The following PKD1L3 variants were observed in gnomAD, a reference collection of about 807,000 sequenced individuals.
The protein encoded by PKD1L3 is polycystin 1 like 3, transient receptor potential channel interacting.
A neutral mutation model predicts 184.1 loss-of-function variants in PKD1L3; 239 were observed. That is an observed-to-expected ratio of 1.30 (90% CI 1.17 to 1.45). PKD1L3 has a LOEUF of 1.45. Among genes scored for constraint, PKD1L3 ranks in the 40% most tolerant of loss-of-function variants. PKD1L3 has a pLI of 0.00. For synonymous variants in PKD1L3, 996 were observed against 778.8 expected (o/e 1.28, Z -4.64); for missense variants, 2,660 against 2,067.2 (o/e 1.29, Z -5.56).
Position 71,951,694 on chromosome 16 carries a change from G to T in PKD1L3, c.3060C>A (p.Leu1020=), listed in dbSNP as rs761110017. 2.6e-6 allele frequency: 4 copies of T among 1,551,580 alleles called. No individual in the cohort carries two copies. The highest frequency in any genetic ancestry group is 3.5e-6 in the Non-Finnish European group (4 of 1,146,988). ...TCCATGGCGGCTGCTCACACTTGGAGAGTAGGTATGTATTTCTCCTGAGCA... is the reference window on the plus strand; with the variant it reads ...TCCATGGCGGCTGCTCACACTTGGATAGTAGGTATGTATTTCTCCTGAGCA... ...RFLLRRNTYL[L]SKCEQPPWSS... Residue 1020 remains leucine, a synonymous_variant, in exon 19 of 30, where the codon CTC becomes CTA. Coordinates refer to ENST00000620267, the MANE Select transcript of PKD1L3 (RefSeq NM_181536.2).
chr16:71,996,351 T>C (rs1355799577), intron 2 of PKD1L3, among the ~76,000 whole-genome samples: 1 of 135,818 alleles, frequency 7.4e-6, no homozygotes, highest in African/African-American at 2.7e-5. Flanking sequence ...AACCTCCGCC[T>C]CCCGGTTCAA....
rs2039968819 is a variant in PKD1L3, at chr16:71,977,357, T to C, written c.1638A>G (p.Ile546Met). 1 of 1,549,098 alleles carries C rather than the reference T, an allele frequency of 6.5e-7. No individual in the cohort carries two copies. The highest frequency in any genetic ancestry group is 8.7e-7 in the Non-Finnish European group (1 of 1,144,636). Residue 546 changes from isoleucine (I) to methionine (M), a missense_variant, in exon 11 of 30, where the codon ATA becomes ATG. Physicochemically the swap from Ile to Met is conservative, Grantham distance 10. Transcript: ENST00000620267. The stretch of plus-strand genomic sequence containing the variant: ...GGGGACTGTCAGGATCTATGCTCAC[T>C]ATCAAGGATTTCTCCAAGGAAGTGA... The part of the protein sequence containing the change: ...VNVTSLEKSL[I>M]VSIDPDSPLL...
chr16:71,944,258 TC>T, intron 22 of PKD1L3, 88 bp from the exon 23 acceptor site: 1 of 1,218,448 alleles, frequency 8.2e-7, no homozygotes, highest in South Asian at 1.4e-5. Flanking sequence ...TGTGAGCACC[TC>T]CTTTTAAATG....
intron 2 of PKD1L3, among the ~76,000 whole-genome samples, chr16:71,994,106 C>T (rs189604218): frequency 1.3e-5 from 2 of 152,280 alleles, no homozygotes; most frequent in Admixed American, 6.5e-5. Context: ...CTTGCATACA[C>T]GAGCAAGAGT....
intron 4 of PKD1L3, among the ~76,000 whole-genome samples, chr16:71,987,655 G>A (rs1017850117): frequency 6.6e-6 from 1 of 151,904 alleles, no homozygotes; most frequent in Admixed American, 6.6e-5. Flanking sequence ...GATTACAGGT[G>A]TGAGCCACTG....
rs1203867902 is a variant in PKD1L3, at chr16:71,998,374, G to T, written c.316C>A (p.Pro106Thr). 6.4e-7 allele frequency: 1 copy of T among 1,551,572 alleles called. No individual in the cohort carries two copies. Among genetic ancestry groups the T allele is most frequent in the South Asian group, 1.2e-5 (1 of 84,054 alleles). The change falls in exon 2 of 30, where the codon CCC becomes ACC. Residue 106 changes from proline (P) to threonine (T), a missense_variant. Pro to Thr is a conservative substitution (Grantham distance 38). Coordinates refer to ENST00000620267, the MANE Select transcript of PKD1L3 (RefSeq NM_181536.2). ...KYPADVAANG[P>T]PKPLSCTYLS... Reference sequence around the variant, plus strand: ...TAGGTGCAGCTGAGGGGCTTTGGGGGCCCGTTGGCTGCAACGTCTGCTGAG... The same window carrying T: ...TAGGTGCAGCTGAGGGGCTTTGGGGTCCCGTTGGCTGCAACGTCTGCTGAG...
intron 13 of PKD1L3, 71 bp from the exon 14 acceptor site, chr16:71,968,078 G>A (rs983974272): frequency 1.6e-6 from 2 of 1,247,674 alleles, no homozygotes; most frequent in Admixed American, 4.5e-5. Flanking sequence ...CTCCAGCTGA[G>A]GAGCAGGAGG....
intron 7 of PKD1L3, among the ~76,000 whole-genome samples, chr16:71,980,677 T>C (rs184795457): frequency 6.6e-6 from 1 of 152,182 alleles, no homozygotes; most frequent in Non-Finnish European, 1.5e-5. Flanking sequence ...CTACTAAAAG[T>C]ACCAAAAATT....
Position 71,993,299 on chromosome 16 carries a change from C to G in PKD1L3, c.452G>C (p.Arg151Thr), listed in dbSNP as rs1339316090. The change falls in exon 3 of 30, where the codon AGA becomes ACA. Residue 151 changes from arginine to threonine, a missense_variant. Transcript: ENST00000620267. ...GTACAAATGGGAATTATTTCCATTT[C>G]TTTCATAATGGGCATCTCCGTCCAA... is the stretch of plus-strand genomic sequence containing the variant. ...DFLDGDAHYE[R>T]NGNNSHLYQR... 6.5e-7 allele frequency: 1 copy of G among 1,548,956 alleles called. No homozygotes were observed. Among genetic ancestry groups the G allele is most frequent in the African/African-American group, 1.4e-5 (1 of 72,724 alleles).
intron 2 of PKD1L3, among the ~76,000 whole-genome samples, chr16:71,994,782 T>G (rs1485765548): frequency 1.3e-5 from 2 of 152,132 alleles, no homozygotes; most frequent in Non-Finnish European, 2.9e-5. Flanking sequence ...CTGTATCACC[T>G]GAGGTCAGGA....
intron 11 of PKD1L3, among the ~76,000 whole-genome samples, chr16:71,974,654 A>C (rs935550771): frequency 6.6e-6 from 1 of 152,172 alleles, no homozygotes; most frequent in Non-Finnish European, 1.5e-5. Flanking sequence ...ACTGCGCTCC[A>C]CCCTGGGCGA....
chr16:71,995,534 A>C (rs999634386), intron 2 of PKD1L3, among the ~76,000 whole-genome samples: 2 of 152,132 alleles, frequency 1.3e-5, no homozygotes, highest in Non-Finnish European at 2.9e-5. Context: ...AGGCAAATAT[A>C]TATGTTCTGT....
At chr16:71,965,108 A>G (rs932988594) in intron 15 of PKD1L3, among the ~76,000 whole-genome samples, 3 of 152,074 alleles carry the variant, frequency 2.0e-5, no homozygotes, top group Non-Finnish European at 2.9e-5. Context: ...TTGGCCCCCC[A>G]AAGTGCTGAG....
intron 4 of PKD1L3, among the ~76,000 whole-genome samples, chr16:71,989,152 TTTTTG>T (rs1299606346): frequency 1.6e-4 from 24 of 152,114 alleles, no homozygotes; most frequent in African/African-American, 5.3e-4. Context: ...ACTGAGGGTT[TTTTTG>T]TTTTGTTTTG....
intron 22 of PKD1L3, among the ~76,000 whole-genome samples, chr16:71,946,203 T>A (rs892949024): frequency 6.6e-6 from 1 of 152,158 alleles, no homozygotes; most frequent in African/African-American, 2.4e-5. Context: ...TAAAGTCAGA[T>A]TAAGTTTTTT....
chr16:71,945,664 C>A (rs997909905), intron 22 of PKD1L3, among the ~76,000 whole-genome samples: 7 of 151,442 alleles, frequency 4.6e-5, no homozygotes, highest in African/African-American at 1.7e-4. Flanking sequence ...GGCGACAGAG[C>A]AAGACTCCAT....
intron 11 of PKD1L3, among the ~76,000 whole-genome samples, chr16:71,974,311 C>T (rs571141165): frequency 3.2e-4 from 48 of 152,216 alleles, no homozygotes; most frequent in African/African-American, 1.1e-3. Flanking sequence ...TCAAATAGTC[C>T]TGTCTCTCAA....
In PKD1L3 at chr16:71,986,470, C is replaced by G; in HGVS notation, c.586-1G>C. The G allele has an allele frequency of 1.3e-6, 2 of 1,546,152 alleles. No individual in the cohort carries two copies. Among genetic ancestry groups the G allele is most frequent in the South Asian group, 2.4e-5 (2 of 83,274 alleles). Reference sequence around the variant, plus strand: ...TGATGGGATGACACAGGGTCTTGGACTAAAAGATAAAAATATGTAAAGGAA... The same window carrying G: ...TGATGGGATGACACAGGGTCTTGGAGTAAAAGATAAAAATATGTAAAGGAA... On this transcript the variant is annotated splice_acceptor_variant, in intron 4 of 29. Transcript: ENST00000620267. LOFTEE classifies it high-confidence loss of function.
intron 13 of PKD1L3, 75 bp from the exon 14 acceptor site, chr16:71,968,082 C>G: frequency 8.1e-7 from 1 of 1,233,590 alleles, no homozygotes; most frequent in Non-Finnish European, 1.1e-6. Context: ...AGCTGAGGAG[C>G]AGGAGGATGA....
Sources: gnomAD v4.1 joint callset for allele counts (sites outside exome capture counted in the v4.1 genomes callset) on GRCh38, gnomAD v4.1.1 for gene constraint, MANE v1.5 for transcripts, NCBI Gene and HGNC (gene_info 2026-07-23, HGNC 2026-07-21) for gene names.